Variants in CREB5 observed in about 807,000 individuals in gnomAD.
CREB5 encodes the protein cyclic AMP-responsive element-binding protein 5.
In CREB5, 19 loss-of-function variants were observed where a neutral mutation model predicts 57.1. The observed-to-expected ratio is 0.33, with a 90% confidence interval of 0.23 to 0.49. CREB5 has a LOEUF of 0.49. CREB5 is among the 20% of genes least tolerant of loss of function. CREB5 has a pLI of 0.99. For missense variants in CREB5, 579 were observed against 671.6 expected, an observed-to-expected ratio of 0.86 and a Z score of 1.52; for synonymous variants, 238 against 238.3, an observed-to-expected ratio of 1.00 and a Z score of 0.01.
chr7:28,610,972 G>C (rs1223786321), intron 5 of CREB5, among the ~76,000 whole-genome samples: 2 of 152,012 alleles, frequency 1.3e-5, no homozygotes, highest in African/African-American at 4.8e-5. Context: ...GCCAAGGTAG[G>C]GGGGTGTGTG....
chr7:28,400,986 T>C (rs375800000), intron 1 of CREB5, among the ~76,000 whole-genome samples: 3 of 152,226 alleles, frequency 2.0e-5, no homozygotes, highest in African/African-American at 7.2e-5. Context: ...ACCATTACTT[T>C]CCACTTACCA....
chr7:28,663,251 C>T (rs984956588), intron 5 of CREB5, among the ~76,000 whole-genome samples: 1 of 151,956 alleles, frequency 6.6e-6, no homozygotes, highest in Non-Finnish European at 1.5e-5. Context: ...GTCACCCAGG[C>T]TGGAGTGTAG....
chr7:28,798,893 A>C (rs2128796614), intron 7 of CREB5, among the ~76,000 whole-genome samples: 1 of 152,310 alleles, frequency 6.6e-6, no homozygotes, highest in South Asian at 2.1e-4. Context: ...ATTAGGTGGA[A>C]TGTTATTTAA....
chr7:28,479,646 G>A (rs1340058946), intron 1 of CREB5, among the ~76,000 whole-genome samples: 1 of 152,190 alleles, frequency 6.6e-6, no homozygotes, highest in Non-Finnish European at 1.5e-5. Context: ...ATCGTGAGCT[G>A]TCTCAGGCTC....
At chr7:28,401,348 C>T (rs1442732937) in intron 1 of CREB5, among the ~76,000 whole-genome samples, 1 of 151,360 alleles carries the variant, frequency 6.6e-6, no homozygotes, top group East Asian at 1.9e-4. Flanking sequence ...AGATGAGGTT[C>T]CCCAAGCTTA....
At chr7:28,684,805 G>A (rs914464260) in intron 5 of CREB5, among the ~76,000 whole-genome samples, 1 of 152,126 alleles carries the variant, frequency 6.6e-6, no homozygotes, top group Non-Finnish European at 1.5e-5. Context: ...AAATTCTAGC[G>A]AACTTCCCAT....
At chr7:28,311,311 T>A (rs1157116220) in intron 1 of CREB5, among the ~76,000 whole-genome samples, 2 of 152,136 alleles carry the variant, frequency 1.3e-5, no homozygotes, top group Non-Finnish European at 2.9e-5. Context: ...CTCAGTTCCT[T>A]TTTCATGGAC....
At chr7:28,409,698 G>A (rs1163644519), upstream of CREB5, 1 of 307,928 alleles carries the variant, frequency 3.2e-6, no homozygotes, top group Non-Finnish European at 6.3e-6. This position sits in a 1 kb window ranked among gnomAD's most constrained non-coding sequence, Gnocchi z 4.4. Context: ...TGTGGAATTC[G>A]GCTGTGTCCT....
At chr7:28,525,745 G>C (rs1793420209) in intron 4 of CREB5, among the ~76,000 whole-genome samples, 1 of 152,036 alleles carries the variant, frequency 6.6e-6, no homozygotes. Flanking sequence ...TAATCCAGTA[G>C]TGTGTGTGTA....
chr7:28,347,331 C>G (rs1786080467), intron 1 of CREB5, among the ~76,000 whole-genome samples: 1 of 152,118 alleles, frequency 6.6e-6, no homozygotes, highest in African/African-American at 2.4e-5. Context: ...TAAGGGAGAC[C>G]TGTCCCCTCT....
rs1322344813 is a variant in CREB5, at chr7:28,444,116, A to C, written c.3+31199A>C. ...TTTCCCTGTTGCCCCTCCATCAATT[A>C]ATCAGCACCGTTTTATGCTTGTATA... On this transcript the variant is annotated intron_variant, in intron 1 of 10. Transcript: ENST00000357727. 3.9e-5 allele frequency among the ~76,000 whole-genome samples: 6 copies of C among 152,226 alleles called. No individual in the cohort carries two copies. In the East Asian group the frequency reaches 1.2e-3, roughly 29 times the overall value.
At chr7:28,340,151 T>C (rs183185867) in intron 1 of CREB5, among the ~76,000 whole-genome samples, 1 of 152,216 alleles carries the variant, frequency 6.6e-6, no homozygotes, top group Non-Finnish European at 1.5e-5. Context: ...AACTCGTACC[T>C]AAGGTGCAAG....
intron 1 of CREB5, among the ~76,000 whole-genome samples, chr7:28,446,305 G>C (rs1011756069): frequency 1.4e-4 from 22 of 152,096 alleles, no homozygotes; most frequent in Non-Finnish European, 3.1e-4. Flanking sequence ...GGATGATGTG[G>C]CTTCTGGCAG....
chr7:28,590,237 A>G (rs1407989957), intron 5 of CREB5, among the ~76,000 whole-genome samples: 4 of 152,140 alleles, frequency 2.6e-5, no homozygotes, highest in African/African-American at 9.7e-5. Flanking sequence ...ATGTATGTTT[A>G]TTGCAGCACT....
Position 28,412,688 on chromosome 7 carries a change from C to G in CREB5, c.-227C>G. 2.5e-6 allele frequency: 1 copy of G among 394,776 alleles called. No individual in the cohort carries two copies. The highest frequency in any genetic ancestry group is 4.5e-6 in the Non-Finnish European group (1 of 223,534). 24.5% of individuals were successfully genotyped at this position (394,776 alleles called of 1,614,324 possible). On this transcript the variant is annotated 5_prime_UTR_variant, in exon 1 of 11. Transcript: ENST00000357727. The stretch of plus-strand genomic sequence containing the variant: ...TAGAGAACGAGGGAGGTACCAGAGT[C>G]TAGGAGGTACCTCTGGGTTGCAGAA...
intron 5 of CREB5, among the ~76,000 whole-genome samples, chr7:28,659,826 A>G (rs1165233057): frequency 2.0e-5 from 3 of 152,152 alleles, no homozygotes; most frequent in Non-Finnish European, 4.4e-5. Flanking sequence ...ATAAGAAATA[A>G]AAATAAGAAA....
At position 28,399,077 on chromosome 7, in the gene CREB5, G is replaced by T. The variant is rs1026204150; in HGVS notation, c.-24-95829G>T. On this transcript the variant is annotated intron_variant, in intron 1 of 9. Transcript: ENST00000396299. ...ATACCTATCATTATGTTACCATTTTGCAGTTGCTAAACTAAGAGCACGGGA... is the reference window on the plus strand; with the variant it reads ...ATACCTATCATTATGTTACCATTTTTCAGTTGCTAAACTAAGAGCACGGGA... 2.0e-5 allele frequency among the ~76,000 whole-genome samples: 3 copies of T among 152,024 alleles called. No individual in the cohort carries two copies. In the East Asian group the frequency reaches 5.8e-4, roughly 29 times the overall value.
chr7:28,407,382 T>C (rs144819048), intron 1 of CREB5, among the ~76,000 whole-genome samples: 28 of 152,274 alleles, frequency 1.8e-4, no homozygotes, highest in African/African-American at 5.5e-4. Flanking sequence ...AGTAATAAAA[T>C]TCTTAACTCG....
At chr7:28,665,227 G>GGAT (rs1441443536) in intron 5 of CREB5, among the ~76,000 whole-genome samples, 3 of 152,162 alleles carry the variant, frequency 2.0e-5, no homozygotes, top group Admixed American at 6.5e-5. Flanking sequence ...TGTATGGGGA[G>GGAT]GATGGGGTAG....
Sources: gnomAD v4.1 joint callset for allele counts (sites outside exome capture counted in the v4.1 genomes callset) on GRCh38, gnomAD v4.1.1 for gene constraint, Gnocchi (gnomAD v3.1) non-coding constraint, MANE v1.5 for transcripts, NCBI Gene and HGNC (gene_info 2026-07-23, HGNC 2026-07-21) for gene names.